Variants in NEK11 observed in about 807,000 individuals in gnomAD.
NEK11 encodes the protein NIMA related kinase 11.
Under a neutral mutation model 80.7 loss-of-function variants are expected in NEK11, and 72 were observed. That is an observed-to-expected ratio of 0.89 (90% CI 0.74 to 1.08). The LOEUF (loss-of-function observed/expected upper bound fraction) is 1.08, where lower values mean the gene tolerates loss of function less well. Among genes scored for constraint, NEK11 ranks in the 50% least tolerant of loss-of-function variants. The pLI is 0.00. For missense variants in NEK11, 764 were observed against 763.6 expected (o/e 1.00, Z -0.01); for synonymous variants, 251 against 260.7 (o/e 0.96, Z 0.36).
chr3:131,131,574 A>G (rs1242403728), intron 5 of NEK11, among the ~76,000 whole-genome samples: 1 of 151,884 alleles, frequency 6.6e-6, no homozygotes, highest in Admixed American at 6.6e-5. Context: ...CCTCTCTTTC[A>G]TTTTTGATTT....
intron 5 of NEK11, among the ~76,000 whole-genome samples, chr3:131,111,803 G>A (rs1578420452): frequency 6.6e-6 from 1 of 152,130 alleles, no homozygotes; most frequent in East Asian, 1.9e-4. Flanking sequence ...TTAAAGGGTA[G>A]AAAATATGCA....
At chr3:131,032,752 A>C (rs2065058530) in intron 3 of NEK11, among the ~76,000 whole-genome samples, 1 of 152,246 alleles carries the variant, frequency 6.6e-6, no homozygotes, top group African/African-American at 2.4e-5. Context: ...GGATTGTAAT[A>C]AGAATACGAT....
intron 16 of NEK11, among the ~76,000 whole-genome samples, chr3:131,247,556 G>A (rs2095623685): frequency 6.6e-6 from 1 of 152,080 alleles, no homozygotes; most frequent in African/African-American, 2.4e-5. Context: ...GTCAGGTAAT[G>A]TGATGCCTCC....
chr3:131,091,148 TAAG>T (rs2149146072), intron 4 of NEK11, among the ~76,000 whole-genome samples: 1 of 152,322 alleles, frequency 6.6e-6, no homozygotes, highest in Admixed American at 6.5e-5. Context: ...AAGAATAACT[TAAG>T]AAGCACAAGA....
At chr3:131,294,395 C>T (rs1304588684) in intron 17 of NEK11, among the ~76,000 whole-genome samples, 1 of 151,684 alleles carries the variant, frequency 6.6e-6, no homozygotes, top group African/African-American at 2.4e-5. Context: ...TTATTGATTT[C>T]TAATTTAGTT....
intron 17 of NEK11, among the ~76,000 whole-genome samples, chr3:131,348,589 T>C (rs956836431): frequency 6.6e-6 from 1 of 151,438 alleles, no homozygotes; most frequent in Non-Finnish European, 1.5e-5. Flanking sequence ...AAACAAAACA[T>C]GTTATGGACC....
intron 16 of NEK11, among the ~76,000 whole-genome samples, chr3:131,244,099 AT>A (rs2095560101): frequency 6.6e-6 from 1 of 151,886 alleles, no homozygotes; most frequent in South Asian, 2.1e-4. Context: ...GGGCTGAGAT[AT>A]TTTTTTCTTC....
chr3:131,133,673 T>A (rs2084974733), intron 6 of NEK11, among the ~76,000 whole-genome samples, 157 bp from the exon 7 acceptor site: 1 of 152,182 alleles, frequency 6.6e-6, no homozygotes, highest in Non-Finnish European at 1.5e-5. Context: ...TTTACCAGCG[T>A]TGTATAATTT....
rs574803449 is a variant in NEK11, at chr3:131,230,948, C to G, written c.1560+2260C>G. ...ATCTGATGATTTTATAAGGGGTTTC[C>G]TTTTTCACTTTGCTCTCATTCTCTC... On this transcript the variant is annotated intron_variant, in intron 15 of 17. Coordinates refer to ENST00000383366, the MANE Select transcript of NEK11 (RefSeq NM_024800.5). Among the ~76,000 whole-genome samples, 5 of 152,118 alleles carry G rather than the reference C, an allele frequency of 3.3e-5. No individual in the cohort carries two copies. In the East Asian group the frequency reaches 9.7e-4, roughly 30 times the overall value.
chr3:131,336,616 A>G (rs2097189301), intron 17 of NEK11, among the ~76,000 whole-genome samples: 1 of 152,308 alleles, frequency 6.6e-6, no homozygotes, highest in South Asian at 2.1e-4. Context: ...AAATTGACAA[A>G]TGGGATCTCA....
At chr3:131,243,362 A>G in intron 15 of NEK11, 74 bp from the exon 16 acceptor site, 1 of 1,393,126 alleles carries the variant, frequency 7.2e-7, no homozygotes, top group Non-Finnish European at 1.0e-6. Context: ...AAATGTAGTA[A>G]GAACATTTTT....
At chr3:131,130,699 T>C (rs954069490) in intron 5 of NEK11, among the ~76,000 whole-genome samples, 4 of 152,230 alleles carry the variant, frequency 2.6e-5, no homozygotes, top group Non-Finnish European at 5.9e-5. Flanking sequence ...TCTGTTGATG[T>C]GATGGATACA....
chr3:131,312,514 T>C (rs2096792201), intron 17 of NEK11, among the ~76,000 whole-genome samples: 2 of 152,138 alleles, frequency 1.3e-5, no homozygotes, highest in Admixed American at 6.6e-5. Flanking sequence ...AATTTATGTA[T>C]AGTGTGGGTA....
At chr3:131,084,938 T>A (rs1366053045) in intron 4 of NEK11, among the ~76,000 whole-genome samples, 1 of 152,102 alleles carries the variant, frequency 6.6e-6, no homozygotes, top group African/African-American at 2.4e-5. Context: ...AAGGAGAGAA[T>A]AGTTAGTGTG....
At chr3:131,195,420 A>C (rs1036379517) in intron 14 of NEK11, among the ~76,000 whole-genome samples, 3 of 133,732 alleles carry the variant, frequency 2.2e-5, no homozygotes, top group African/African-American at 7.4e-5. Context: ...GTGTGCCCAC[A>C]TCTTTCCCAT....
chr3:131,042,135 A>T (rs2066596505), intron 3 of NEK11, among the ~76,000 whole-genome samples: 11 of 152,154 alleles, frequency 7.2e-5, no homozygotes, highest in Non-Finnish European at 1.6e-4. Flanking sequence ...CTACACCACA[A>T]GCGCCCTGGG....
At chr3:131,173,413 G>A (rs1209757756) in intron 14 of NEK11, among the ~76,000 whole-genome samples, 3 of 152,044 alleles carry the variant, frequency 2.0e-5, no homozygotes, top group African/African-American at 7.2e-5. Flanking sequence ...CCCAGGACAG[G>A]ATATTGAATG....
intron 3 of NEK11, among the ~76,000 whole-genome samples, chr3:131,038,843 A>G (rs568517759): frequency 6.2e-4 from 94 of 152,286 alleles, no homozygotes; most frequent in Non-Finnish European, 1.1e-3. Flanking sequence ...TGTTCTTTCA[A>G]TGTGTTGTTC....
intron 16 of NEK11, among the ~76,000 whole-genome samples, chr3:131,264,521 G>A (rs538847982): frequency 3.3e-5 from 5 of 152,266 alleles, no homozygotes; most frequent in Admixed American, 3.3e-4. Context: ...TCAGATGGTT[G>A]TAGATGTGTG....
Sources: gnomAD v4.1 joint callset for allele counts (sites outside exome capture counted in the v4.1 genomes callset) on GRCh38, gnomAD v4.1.1 for gene constraint, MANE v1.5 for transcripts, NCBI Gene and HGNC (gene_info 2026-07-23, HGNC 2026-07-21) for gene names.